Variants in POU2F2 observed in about 807,000 individuals in gnomAD.
POU2F2 encodes POU class 2 homeobox 2.
POU2F2 carries 14 observed loss-of-function variants against 63.5 expected under a neutral mutation model. The observed-to-expected ratio is 0.22, with a 90% CI of 0.15 to 0.34. The LOEUF is 0.34. Ranked by LOEUF, POU2F2 falls within the 10% of genes least tolerant of loss-of-function variation. The pLI, the probability that POU2F2 is intolerant of heterozygous loss-of-function variation, is 1.00. For synonymous variants in POU2F2, 306 were observed against 348.6 expected, an observed-to-expected ratio of 0.88 and a Z score of 1.36; for missense variants, 607 against 815.2, an observed-to-expected ratio of 0.74 and a Z score of 3.11.
chr19:42,116,188 AT>A (rs1335579446), intron 5 of POU2F2, among the ~76,000 whole-genome samples: 1 of 152,212 alleles, frequency 6.6e-6, no homozygotes, highest in East Asian at 1.9e-4. Flanking sequence ...CTAATTCATG[AT>A]TAACTATGGA....
intron 1 of POU2F2, among the ~76,000 whole-genome samples, chr19:42,195,395 CA>C (rs1244749776): frequency 7.0e-6 from 1 of 143,828 alleles, no homozygotes; most frequent in Non-Finnish European, 1.5e-5. Flanking sequence ...TGCAGTGGCG[CA>C]ATCTCGGCTC....
intron 2 of POU2F2, among the ~76,000 whole-genome samples, chr19:42,148,624 T>C (rs999149903): frequency 6.6e-6 from 1 of 152,082 alleles, no homozygotes; most frequent in East Asian, 1.9e-4. Flanking sequence ...GAGATCCTCC[T>C]CATCCTCCAA....
At position 42,089,666 on chromosome 19, in the gene POU2F2, G is replaced by T. The variant is rs905018430; in HGVS notation, c.*1591C>A. 6.6e-6 allele frequency: 1 copy of T among 150,700 alleles called. No individual in the cohort carries two copies. Among genetic ancestry groups the T allele is most frequent in the East Asian group, 1.9e-4 (1 of 5,146 alleles). 9.3% of individuals were successfully genotyped at this position (150,700 alleles called of 1,614,324 possible). A position where few individuals can be genotyped will look rare whatever the true frequency, so the allele number is the denominator to read the frequency against. Reference sequence around the variant, plus strand: ...CGGTGCAGGGGCTTGGCTCCGCCTCGCGGTTCCATCTTATTCTTGAAGAGT... The same window carrying T: ...CGGTGCAGGGGCTTGGCTCCGCCTCTCGGTTCCATCTTATTCTTGAAGAGT... On this transcript the variant is annotated 3_prime_UTR_variant, in exon 15 of 15. Transcript: ENST00000692977.
In POU2F2 at chr19:42,125,538, G is replaced by A. The variant is rs113311129; in HGVS notation, c.29-2962C>T. On this transcript the variant is annotated intron_variant, in intron 1 of 14. Transcript: ENST00000692977. ...GGGCAGCAAGTGTGTCCTGACTTTG[G>A]AGCAGTAAAGGCGGGAATCCTGCCT... Among the ~76,000 whole-genome samples the A allele has an allele frequency of 4.2e-3, 646 of 152,150 alleles. 13 individuals are homozygous for A. The highest frequency in any genetic ancestry group is 0.015 in the African/African-American group (611 of 41,478).
At position 42,095,736 on chromosome 19, in the gene POU2F2, C is replaced by G. The variant is rs755468231; in HGVS notation, c.872-43G>C. Reference sequence around the variant, plus strand: ...CGTGAGCATGAGAAGGGGCCTCCCGCGGCCAGCGGCCACTGCCCGCCCCCT... The same window carrying G: ...CGTGAGCATGAGAAGGGGCCTCCCGGGGCCAGCGGCCACTGCCCGCCCCCT... On this transcript the variant is annotated intron_variant, in intron 9 of 14. Transcript: ENST00000692977. The surrounding 1 kb of genome is among the most constrained non-coding windows in gnomAD (Gnocchi z 7.1). 1 of 1,612,446 alleles carries G rather than the reference C, an allele frequency of 6.2e-7. No individual in the cohort carries two copies. Among genetic ancestry groups the G allele is most frequent in the Admixed American group, 1.7e-5 (1 of 59,996 alleles).
At position 42,153,929 on chromosome 19, in the gene POU2F2, C is replaced by T. The variant is rs1752968081; in HGVS notation, c.-9+6403G>A. On this transcript the variant is annotated intron_variant, in intron 2 of 6. Coordinates refer to the POU2F2 transcript ENST00000524801. This position sits in a 1 kb window ranked among gnomAD's most constrained non-coding sequence, Gnocchi z 5.6. ...AGGGCCTGCCTGCCTTCTTTCCCTTCCCTGCCAGAGACCCCAGACCCCTGC... is the reference window on the plus strand; with the variant it reads ...AGGGCCTGCCTGCCTTCTTTCCCTTTCCTGCCAGAGACCCCAGACCCCTGC... Among the ~76,000 whole-genome samples, 1 of 152,162 alleles carries T rather than the reference C, an allele frequency of 6.6e-6. No homozygotes were observed. The highest frequency in any genetic ancestry group is 6.5e-5 in the Admixed American group (1 of 15,288).
At chr19:42,141,564 C>T (rs951869522) in intron 2 of POU2F2, among the ~76,000 whole-genome samples, 1 of 150,326 alleles carries the variant, frequency 6.7e-6, no homozygotes, top group Non-Finnish European at 1.5e-5. Flanking sequence ...TCACTACAAC[C>T]TCTGCCTCCT....
At chr19:42,124,339 C>T (rs1170876363) in intron 1 of POU2F2, among the ~76,000 whole-genome samples, 1 of 141,210 alleles carries the variant, frequency 7.1e-6, no homozygotes, top group Admixed American at 7.1e-5. Context: ...AAGAATGGAG[C>T]TAAAGTAAGG....
chr19:42,138,456 G>C (rs2034062781), intron 2 of POU2F2, among the ~76,000 whole-genome samples: 1 of 152,134 alleles, frequency 6.6e-6, no homozygotes, highest in Non-Finnish European at 1.5e-5. Flanking sequence ...ACCCCAAGGT[G>C]GAGACAAACT....
rs2076772804 is a variant in POU2F2 at position 42,092,862 on chromosome 19, G to A, written c.1265-592C>T. Among the ~76,000 whole-genome samples the A allele has an allele frequency of 6.6e-6, 1 of 151,494 alleles. No individual in the cohort carries two copies. The highest frequency in any genetic ancestry group is 1.5e-5 in the Non-Finnish European group (1 of 67,886). ...TAGAAAGAGTTTAGTACAGTGCCAGGCAAGCACTTACTACTTTATAAATCT... is the reference window on the plus strand; with the variant it reads ...TAGAAAGAGTTTAGTACAGTGCCAGACAAGCACTTACTACTTTATAAATCT... On this transcript the variant is annotated intron_variant, in intron 12 of 14. Coordinates refer to ENST00000692977, the MANE Select transcript of POU2F2 (RefSeq NM_001394376.1). The surrounding 1 kb of genome is among the most constrained non-coding windows in gnomAD (Gnocchi z 5.0).
chr19:42,164,798 C>T (rs1260155478), intron 1 of POU2F2, among the ~76,000 whole-genome samples: 1 of 151,664 alleles, frequency 6.6e-6, no homozygotes, highest in Non-Finnish European at 1.5e-5. Context: ...TCTGTCTCTA[C>T]AAAAAATACA....
intron 1 of POU2F2, among the ~76,000 whole-genome samples, chr19:42,184,609 T>G (rs2034995012): frequency 6.6e-6 from 1 of 152,150 alleles, no homozygotes; most frequent in Non-Finnish European, 1.5e-5. Flanking sequence ...GCACTCCCAC[T>G]ACTGCCCCCC....
chr19:42,109,053 G>T (rs897188665), intron 5 of POU2F2, among the ~76,000 whole-genome samples: 10 of 152,362 alleles, frequency 6.6e-5, no homozygotes, highest in African/African-American at 2.4e-4. Context: ...GGCTATGACT[G>T]GGGGCAGAAA....
chr19:42,153,349 G>A lies in POU2F2; in HGVS notation c.-9+6983C>T, dbSNP rs1313863283. Among the ~76,000 whole-genome samples, 4 of 152,152 alleles carry A rather than the reference G, an allele frequency of 2.6e-5. No individual in the cohort carries two copies. Among genetic ancestry groups the A allele is most frequent in the East Asian group, 1.9e-4 (1 of 5,194 alleles). On this transcript the variant is annotated intron_variant, in intron 2 of 6. Coordinates refer to the POU2F2 transcript ENST00000524801. The surrounding 1 kb of genome is among the most constrained non-coding windows in gnomAD (Gnocchi z 5.6). ...GCACTTCCATGAGTGTTTCCCTGAC[G>A]CTAAGTCTCTGTCTGTCCCTTGGGG...
At chr19:42,094,372 CG>C (rs1192524064) in intron 11 of POU2F2, among the ~76,000 whole-genome samples, 6 of 152,130 alleles carry the variant, frequency 3.9e-5, no homozygotes. Flanking sequence ...ATCTTTGCAT[CG>C]GGGTGTTGAG....
At chr19:42,150,255 T>C (rs2034314465) in intron 2 of POU2F2, among the ~76,000 whole-genome samples, 2 of 151,228 alleles carry the variant, frequency 1.3e-5, no homozygotes. Flanking sequence ...CTCTGCAGGT[T>C]TGGGGTTAGG....
At chr19:42,190,257 T>A (rs2035061348) in intron 1 of POU2F2, among the ~76,000 whole-genome samples, 1 of 151,860 alleles carries the variant, frequency 6.6e-6, no homozygotes, top group Non-Finnish European at 1.5e-5. Context: ...AAGGGTTGTT[T>A]CATTTGTTTA....
intron 7 of POU2F2, among the ~76,000 whole-genome samples, chr19:42,098,349 G>C (rs1203936104): frequency 6.6e-6 from 1 of 151,210 alleles, no homozygotes; most frequent in African/African-American, 2.4e-5. Context: ...GGAGGCAGAG[G>C]GTGCAGTGAA....
intron 1 of POU2F2, among the ~76,000 whole-genome samples, chr19:42,190,622 G>A (rs1428912220): frequency 6.6e-6 from 1 of 152,118 alleles, no homozygotes. Flanking sequence ...GTGAGGCCGA[G>A]GCAGGCTGAT....
Sources: gnomAD v4.1 joint callset for allele counts (sites outside exome capture counted in the v4.1 genomes callset) on GRCh38, gnomAD v4.1.1 for gene constraint, Gnocchi (gnomAD v3.1) non-coding constraint, MANE v1.5 for transcripts, NCBI Gene and HGNC (gene_info 2026-07-23, HGNC 2026-07-21) for gene names.